BLOC1S3: variants seen among roughly 807,000 people sequenced by gnomAD.
BLOC1S3 encodes the protein biogenesis of lysosomal organelles complex 1 subunit 3, also known as biogenesis of lysosome-related organelles complex 1 subunit 3.
A neutral mutation model predicts 9.1 loss-of-function variants in BLOC1S3; 7 were observed. That is an observed-to-expected ratio of 0.77 (90% CI 0.44 to 1.45). The LOEUF is 1.45. Ranked by LOEUF, BLOC1S3 falls within the 40% of genes most tolerant of loss-of-function variation. The probability of loss-of-function intolerance (pLI) is 0.01; values close to 1 mark genes in which losing one functional copy is unlikely to be tolerated. For missense variants in BLOC1S3, 307 were observed against 315.2 expected (o/e 0.97, Z 0.20); for synonymous variants, 145 against 158.4 (o/e 0.92, Z 0.64).
In BLOC1S3 at chr19:45,179,937, T is replaced by G; in HGVS notation, c.*32T>G. ...TTCTACTTCCCAACCTGACTGCAAT[T>G]TGGGGGTAGGCCTTGCTGCCTCTGG... On this transcript the variant is annotated 3_prime_UTR_variant, in exon 2 of 2. Transcript: ENST00000433642. This position sits in a 1 kb window ranked among gnomAD's most constrained non-coding sequence, Gnocchi z 4.6. 6.3e-7 allele frequency: 1 copy of G among 1,597,532 alleles called. No individual in the cohort carries two copies. Among genetic ancestry groups the G allele is most frequent in the Middle Eastern group, 1.7e-4 (1 of 5,992 alleles).
At chr19:45,201,094 T>C (rs1477419946) in intron 2 of BLOC1S3, among the ~76,000 whole-genome samples, 4 of 151,916 alleles carry the variant, frequency 2.6e-5, no homozygotes, top group African/African-American at 9.7e-5. Flanking sequence ...TCCCAGCTAC[T>C]TGGGAGGCTG....
chr19:45,206,479 A>T, intron 3 of BLOC1S3, among the ~76,000 whole-genome samples: 1 of 25,930 alleles, frequency 3.9e-5, no homozygotes, highest in Non-Finnish European at 7.1e-5. Flanking sequence ...TTTTTGAGCA[A>T]GGATCTCACT....
At chr19:45,193,095 G>T (rs1745980933) in intron 2 of BLOC1S3, among the ~76,000 whole-genome samples, 1 of 120,896 alleles carries the variant, frequency 8.3e-6, no homozygotes, top group African/African-American at 3.1e-5. Flanking sequence ...TCACTCCATT[G>T]CACTCCAGCC....
chr19:45,201,400 T>A (rs1303060456), intron 2 of BLOC1S3, among the ~76,000 whole-genome samples: 1 of 152,168 alleles, frequency 6.6e-6, no homozygotes, highest in South Asian at 2.1e-4. Flanking sequence ...CCACCACCAC[T>A]GGGACTGCAC....
intron 2 of BLOC1S3, among the ~76,000 whole-genome samples, chr19:45,199,549 C>T (rs570153678): frequency 6.7e-4 from 102 of 151,822 alleles, no homozygotes; most frequent in African/African-American, 2.4e-3. Flanking sequence ...CTCCTGACCT[C>T]GTGATCCGCT....
intron 3 of BLOC1S3, chr19:45,213,187 C>G (rs751663787): frequency 6.2e-7 from 1 of 1,605,956 alleles, no homozygotes; most frequent in Admixed American, 1.7e-5. Context: ...GAGGCTGAGA[C>G]AGAAAGATGG....
chr19:45,203,193 G>T (rs1490095828), intron 3 of BLOC1S3, among the ~76,000 whole-genome samples: 2 of 152,076 alleles, frequency 1.3e-5, no homozygotes, highest in Non-Finnish European at 2.9e-5. Context: ...AGGTCCACTT[G>T]TTCTGAGCCC....
chr19:45,199,309 C>CTTTTTT (rs34967306), intron 2 of BLOC1S3, among the ~76,000 whole-genome samples: 1,920 of 72,376 alleles, frequency 0.027, 2 homozygotes, highest in Middle Eastern at 0.047. Flanking sequence ...GTGCCTTATT[C>CTTTTTT]TTTTTTTTTT....
At chr19:45,216,018 C>T (rs981369344) in intron 3 of BLOC1S3, 17 of 1,602,026 alleles carry the variant, frequency 1.1e-5, no homozygotes, top group African/African-American at 6.7e-5. Context: ...ATGCCAAGGC[C>T]GCCAGGAGAC....
At chr19:45,199,522 G>A (rs1969673853) in intron 2 of BLOC1S3, among the ~76,000 whole-genome samples, 1 of 151,716 alleles carries the variant, frequency 6.6e-6, no homozygotes, top group African/African-American at 2.4e-5. Context: ...CACCATGTTG[G>A]CCAGGATGGT....
chr19:45,214,854 A>C (rs1403777736), intron 3 of BLOC1S3, among the ~76,000 whole-genome samples: 1 of 152,004 alleles, frequency 6.6e-6, no homozygotes, highest in African/African-American at 2.4e-5. Context: ...CAATAGCTTT[A>C]ATTATACCCC....
chr19:45,204,433 T>A (rs1247165619), intron 3 of BLOC1S3, among the ~76,000 whole-genome samples: 2 of 152,158 alleles, frequency 1.3e-5, no homozygotes, highest in South Asian at 2.1e-4. Flanking sequence ...CCTCAGGTGA[T>A]CCATGTGCCT....
At chr19:45,204,466 T>C (rs1969713215) in intron 3 of BLOC1S3, among the ~76,000 whole-genome samples, 1 of 152,082 alleles carries the variant, frequency 6.6e-6, no homozygotes, top group Non-Finnish European at 1.5e-5. Context: ...ATGCTGGGAT[T>C]ACAGGTGTGA....
At chr19:45,201,664 T>A (rs574023884) in intron 2 of BLOC1S3, among the ~76,000 whole-genome samples, 1 of 152,318 alleles carries the variant, frequency 6.6e-6, no homozygotes, top group African/African-American at 2.4e-5. Context: ...TATTCTACTG[T>A]GGCTGAGCTG....
At chr19:45,208,835 A>G (rs141028217) in intron 3 of BLOC1S3, among the ~76,000 whole-genome samples, 11 of 152,228 alleles carry the variant, frequency 7.2e-5, no homozygotes, top group Admixed American at 2.0e-4. Flanking sequence ...GAGAAAGTAT[A>G]AACTACATAA....
rs140104371 is a variant in BLOC1S3 at position 45,199,401 on chromosome 19, C to T, written n.181-3005C>T. On this transcript the variant is annotated intron_variant and non_coding_transcript_variant, in intron 2 of 3. Transcript: ENST00000591569. ...CACGATCTTGGCTCACTGCAACCTC[C>T]GCCTCCCGGGTTCAAGCAATTCCCC... 1.3e-3 allele frequency among the ~76,000 whole-genome samples: 188 copies of T among 149,516 alleles called. 2 individuals are homozygous for T. Among genetic ancestry groups the T allele is most frequent in the African/African-American group, 4.5e-3 (182 of 40,500 alleles).
At chr19:45,206,803 T>G (rs1969731098) in intron 3 of BLOC1S3, among the ~76,000 whole-genome samples, 1 of 151,880 alleles carries the variant, frequency 6.6e-6, no homozygotes, top group Non-Finnish European at 1.5e-5. Flanking sequence ...TTTATCTCTT[T>G]TGTAGGCTTA....
rs891971173 is a variant in BLOC1S3, at chr19:45,180,014, C to T, written c.*109C>T. 10 of 1,323,200 alleles carry T rather than the reference C, an allele frequency of 7.6e-6. No individual in the cohort carries two copies. The Admixed American group carries it at 1.1e-4, about 15-fold the overall frequency. The allele number at this position is 1,323,200 out of a possible 1,614,324, so 82.0% of individuals were successfully genotyped here. On this transcript the variant is annotated 3_prime_UTR_variant, in exon 2 of 2. Transcript: ENST00000433642. ...TATCACCCCCCACCCCCGCTCCCAT[C>T]TTGGTGTCACCCATGGGGGCTAATC... is the stretch of plus-strand genomic sequence containing the variant.
chr19:45,180,047 C>T lies in BLOC1S3; in HGVS notation c.*142C>T, dbSNP rs1969494521. On this transcript the variant is annotated 3_prime_UTR_variant, in exon 2 of 2. Coordinates refer to ENST00000433642, the MANE Select transcript of BLOC1S3 (RefSeq NM_212550.5). ...CACCCATGGGGGCTAATCCGGTCCC[C>T]TTGGATAATGCTTTATATTGGATAT... 2.2e-6 allele frequency: 2 copies of T among 910,132 alleles called. No individual in the cohort carries two copies. Among genetic ancestry groups the T allele is most frequent in the African/African-American group, 1.8e-5 (1 of 56,676 alleles). 56.4% of individuals were successfully genotyped at this position (910,132 alleles called of 1,614,324 possible).
Sources: gnomAD v4.1 joint callset for allele counts (sites outside exome capture counted in the v4.1 genomes callset) on GRCh38, gnomAD v4.1.1 for gene constraint, Gnocchi (gnomAD v3.1) non-coding constraint, MANE v1.5 for transcripts, NCBI Gene and HGNC (gene_info 2026-07-23, HGNC 2026-07-21) for gene names.